The following KCNJ15 variants were observed in gnomAD, a reference collection of about 807,000 sequenced individuals.
The protein encoded by KCNJ15 is potassium inwardly rectifying channel subfamily J member 15.
A neutral mutation model predicts 23.0 loss-of-function variants in KCNJ15; 14 were observed. That is an observed-to-expected ratio of 0.61 (90% CI 0.40 to 0.95). The LOEUF (loss-of-function observed/expected upper bound fraction) is 0.95, where lower values mean the gene tolerates loss of function less well. Among genes scored for constraint, KCNJ15 ranks in the 40% least tolerant of loss-of-function variants. The pLI is 0.00. For missense variants in KCNJ15, 388 were observed against 461.8 expected (o/e 0.84, Z 1.46); for synonymous variants, 185 against 183.2 (o/e 1.01, Z -0.08).
intron 1 of KCNJ15, among the ~76,000 whole-genome samples, chr21:38,230,943 G>C (rs188801352): frequency 4.6e-5 from 7 of 152,116 alleles, no homozygotes; most frequent in Admixed American, 3.3e-4. Flanking sequence ...CACCATGTCA[G>C]TTTCTACAAA....
chr21:38,248,658 G>A (rs551095342), intron 1 of KCNJ15, among the ~76,000 whole-genome samples: 36 of 152,286 alleles, frequency 2.4e-4, no homozygotes, highest in Middle Eastern at 6.8e-3. Context: ...TGGAGTGCAC[G>A]GCTTCTGTGT....
intron 1 of KCNJ15, among the ~76,000 whole-genome samples, chr21:38,270,811 T>C (rs1244337456): frequency 1.3e-5 from 2 of 152,232 alleles, no homozygotes; most frequent in Non-Finnish European, 2.9e-5. Flanking sequence ...TGATTCTGCA[T>C]TCTTTGCATT....
intron 1 of KCNJ15, among the ~76,000 whole-genome samples, chr21:38,239,101 C>G (rs2123549924): frequency 1.3e-5 from 2 of 152,282 alleles, no homozygotes; most frequent in Admixed American, 1.3e-4. Flanking sequence ...AAGAAAAGAT[C>G]TATGTTTATG....
chr21:38,299,525 C>A lies in KCNJ15; in HGVS notation c.264C>A (p.Ile88=). The A allele has an allele frequency of 6.2e-7, 1 of 1,614,090 alleles. No individual in the cohort carries two copies. The highest frequency in any genetic ancestry group is 8.5e-7 in the Non-Finnish European group (1 of 1,180,022). The change falls in exon 3 of 3, where the codon ATC becomes ATA. Residue 88 remains isoleucine (I), a synonymous_variant. Transcript: ENST00000398938. The surrounding 1 kb of genome is among the most constrained non-coding windows in gnomAD (Gnocchi z 4.5). ...TTTTTGGAGTCATCTACTATGCCAT[C>A]GCGTTTATTCATGGGGACTTAGAAC... ...WFLFGVIYYA[I]AFIHGDLEPG... is the part of the protein sequence containing the mutation.
intron 1 of KCNJ15, among the ~76,000 whole-genome samples, chr21:38,260,327 A>C (rs574876921): frequency 7.9e-5 from 12 of 152,354 alleles, no homozygotes; most frequent in South Asian, 6.2e-4. Context: ...GCTGGAATAC[A>C]CATAGTGAAT....
intron 1 of KCNJ15, among the ~76,000 whole-genome samples, chr21:38,231,178 T>G (rs1167224084): frequency 1.3e-5 from 2 of 152,030 alleles, no homozygotes; most frequent in Admixed American, 6.5e-5. Context: ...TTCATTAAAT[T>G]TGTTCCCAAG....
chr21:38,276,440 C>T (rs1225802818), intron 1 of KCNJ15, among the ~76,000 whole-genome samples: 1 of 152,062 alleles, frequency 6.6e-6, no homozygotes, highest in Non-Finnish European at 1.5e-5. Flanking sequence ...TTTACAGTTT[C>T]TCTCAATCAC....
At chr21:38,295,823 C>G (rs906255291) in intron 1 of KCNJ15, among the ~76,000 whole-genome samples, 2 of 152,098 alleles carry the variant, frequency 1.3e-5, no homozygotes, top group Non-Finnish European at 2.9e-5. Flanking sequence ...TGATGAAGTG[C>G]AATTCATAAA....
At chr21:38,265,257 G>A (rs1277164168) in intron 1 of KCNJ15, among the ~76,000 whole-genome samples, 2 of 152,214 alleles carry the variant, frequency 1.3e-5, no homozygotes, top group Non-Finnish European at 2.9e-5. Context: ...ACTAAAACTT[G>A]TAAGGGCCAC....
chr21:38,282,991 G>A (rs911726980), intron 1 of KCNJ15, among the ~76,000 whole-genome samples: 13 of 152,132 alleles, frequency 8.5e-5, no homozygotes, highest in Admixed American at 1.3e-4. Flanking sequence ...TGGAATAAAG[G>A]GGTCAGCCTA....
intron 1 of KCNJ15, among the ~76,000 whole-genome samples, chr21:38,241,398 A>G (rs1978982715): frequency 6.6e-6 from 1 of 152,252 alleles, no homozygotes; most frequent in Non-Finnish European, 1.5e-5. Context: ...ACAAGTGGGC[A>G]GGGTGAGCCC....
chr21:38,235,952 C>T (rs1169846222), intron 1 of KCNJ15, among the ~76,000 whole-genome samples: 1 of 152,002 alleles, frequency 6.6e-6, no homozygotes, highest in Non-Finnish European at 1.5e-5. Flanking sequence ...TGTTTTTTTC[C>T]AGAATATATC....
intron 1 of KCNJ15, among the ~76,000 whole-genome samples, chr21:38,296,147 G>T (rs1175367806): frequency 1.3e-5 from 2 of 152,090 alleles, no homozygotes; most frequent in African/African-American, 2.4e-5. Flanking sequence ...ATCAATAATT[G>T]ACAGATGATA....
intron 1 of KCNJ15, among the ~76,000 whole-genome samples, chr21:38,259,463 T>C (rs1376173728): frequency 6.6e-6 from 1 of 152,198 alleles, no homozygotes; most frequent in East Asian, 1.9e-4. Flanking sequence ...CTGCAGCAAT[T>C]CAAGCATTGC....
At chr21:38,263,262 C>T (rs999088403) in intron 1 of KCNJ15, among the ~76,000 whole-genome samples, 7 of 152,122 alleles carry the variant, frequency 4.6e-5, no homozygotes, top group South Asian at 2.1e-4. Flanking sequence ...TCTCTGGAGT[C>T]AGGGGACAGG....
chr21:38,300,697 G>C lies in KCNJ15; in HGVS notation c.*308G>C. 1 of 293,162 alleles carries C rather than the reference G, an allele frequency of 3.4e-6. No homozygotes were observed. Among genetic ancestry groups the C allele is most frequent in the Admixed American group, 4.8e-5 (1 of 20,780 alleles). 18.2% of individuals were successfully genotyped at this position (293,162 alleles called of 1,614,324 possible). ...GTCCTGTTAGATAAACAGACATTTA[G>C]CAATCCTGACATTAAAAGGAAATGT... is the stretch of plus-strand genomic sequence containing the variant. On this transcript the variant is annotated 3_prime_UTR_variant, in exon 3 of 3. Coordinates refer to ENST00000398938, the MANE Select transcript of KCNJ15 (RefSeq NM_170736.3).
chr21:38,299,226 C>G lies in KCNJ15; in HGVS notation c.-18-18C>G, dbSNP rs368159113. 1.3e-6 allele frequency: 2 copies of G among 1,560,654 alleles called. No individual in the cohort carries two copies. The highest frequency in any genetic ancestry group is 1.4e-5 in the African/African-American group (1 of 73,394). On this transcript the variant is annotated intron_variant, in intron 2 of 2. Coordinates refer to ENST00000398938, the MANE Select transcript of KCNJ15 (RefSeq NM_170736.3). This position sits in a 1 kb window ranked among gnomAD's most constrained non-coding sequence, Gnocchi z 4.5. ...ACCACATATGGCGATAATGAAACAT[C>G]TTTGTCATTTCTCTAAGTGTTTCCA...
chr21:38,284,496 G>A (rs924628804), intron 1 of KCNJ15, among the ~76,000 whole-genome samples: 1 of 152,196 alleles, frequency 6.6e-6, no homozygotes, highest in East Asian at 1.9e-4. Context: ...CACCGCCCTT[G>A]TCCATGCATC....
At chr21:38,282,075 T>TG (rs1428221370) in intron 1 of KCNJ15, among the ~76,000 whole-genome samples, 1 of 152,184 alleles carries the variant, frequency 6.6e-6, no homozygotes, top group Non-Finnish European at 1.5e-5. Flanking sequence ...TTTTGAGAAG[T>TG]GTCGGTTCAT....
Sources: gnomAD v4.1 joint callset for allele counts (sites outside exome capture counted in the v4.1 genomes callset) on GRCh38, gnomAD v4.1.1 for gene constraint, Gnocchi (gnomAD v3.1) non-coding constraint, MANE v1.5 for transcripts, NCBI Gene and HGNC (gene_info 2026-07-23, HGNC 2026-07-21) for gene names.